The following PDGFC variants were observed in gnomAD, a reference collection of about 807,000 sequenced individuals.
PDGFC encodes the protein platelet derived growth factor C, also known as platelet-derived growth factor C.
Under a neutral mutation model 35.5 loss-of-function variants are expected in PDGFC, and 12 were observed. The ratio of observed to expected loss-of-function variants is 0.34; its 90% confidence interval spans 0.22 to 0.55. The LOEUF is 0.55. Ranked by LOEUF, PDGFC falls within the 20% of genes least tolerant of loss-of-function variation. PDGFC has a pLI of 0.91. For synonymous variants in PDGFC, 159 were observed against 148.8 expected (o/e 1.07, Z -0.50); for missense variants, 322 against 412.4 (o/e 0.78, Z 1.90).
intron 1 of PDGFC, among the ~76,000 whole-genome samples, chr4:156,931,980 C>A (rs1393106184): frequency 6.6e-6 from 1 of 151,984 alleles, no homozygotes; most frequent in African/African-American, 2.4e-5. Context: ...CTAACCCTGA[C>A]ATTTATAGTA....
chr4:156,955,191 C>T (rs904310986), intron 1 of PDGFC, among the ~76,000 whole-genome samples: 1 of 151,806 alleles, frequency 6.6e-6, no homozygotes, highest in Non-Finnish European at 1.5e-5. Flanking sequence ...ATGATGGTTC[C>T]CTTCCATTCC....
intron 2 of PDGFC, among the ~76,000 whole-genome samples, chr4:156,833,776 T>A (rs1356536925): frequency 6.6e-6 from 1 of 152,182 alleles, no homozygotes; most frequent in Non-Finnish European, 1.5e-5. Flanking sequence ...AATTTTTATA[T>A]CCTCTTTCAG....
chr4:156,895,408 G>C (rs1730608122), intron 1 of PDGFC, among the ~76,000 whole-genome samples: 1 of 152,116 alleles, frequency 6.6e-6, no homozygotes, highest in Non-Finnish European at 1.5e-5. Flanking sequence ...GCTGAGGTGG[G>C]CAAATCACTA....
chr4:156,941,225 G>A (rs1731797973), intron 1 of PDGFC, among the ~76,000 whole-genome samples: 1 of 152,134 alleles, frequency 6.6e-6, no homozygotes, highest in Admixed American at 6.6e-5. Flanking sequence ...GATCTGTGAG[G>A]TAAGTGAAAC....
intron 1 of PDGFC, among the ~76,000 whole-genome samples, chr4:156,896,394 C>T (rs1730634260): frequency 6.6e-6 from 1 of 152,114 alleles, no homozygotes; most frequent in Admixed American, 6.5e-5. Flanking sequence ...GGTATCTTGA[C>T]TTTACAGCTG....
chr4:156,898,465 T>C (rs1049085692), intron 1 of PDGFC, among the ~76,000 whole-genome samples: 3 of 152,192 alleles, frequency 2.0e-5, no homozygotes, highest in Admixed American at 6.5e-5. Flanking sequence ...GAGTTTGGTA[T>C]GGACAAGCCT....
At chr4:156,917,060 G>T (rs1731169900) in intron 1 of PDGFC, among the ~76,000 whole-genome samples, 1 of 152,046 alleles carries the variant, frequency 6.6e-6, no homozygotes, top group Admixed American at 6.6e-5. Context: ...TCCTCAATGT[G>T]CAACAGATAG....
chr4:156,850,636 C>G (rs1469869682), intron 1 of PDGFC, among the ~76,000 whole-genome samples: 1 of 152,016 alleles, frequency 6.6e-6, no homozygotes, highest in Non-Finnish European at 1.5e-5. Context: ...AGGAACATAG[C>G]AAATTACTCT....
At chr4:156,828,890 T>C (rs532224560) in intron 2 of PDGFC, among the ~76,000 whole-genome samples, 3 of 152,124 alleles carry the variant, frequency 2.0e-5, no homozygotes, top group Non-Finnish European at 2.9e-5. Flanking sequence ...TTAGCTAAAG[T>C]GGGTATACAC....
chr4:156,943,805 G>A (rs943869568), intron 1 of PDGFC, among the ~76,000 whole-genome samples: 3 of 152,108 alleles, frequency 2.0e-5, no homozygotes, highest in Non-Finnish European at 4.4e-5. Context: ...AAGTGGTGAA[G>A]TCAAGATCAT....
chr4:156,969,301 T>C (rs1732535294), intron 1 of PDGFC, among the ~76,000 whole-genome samples: 1 of 152,230 alleles, frequency 6.6e-6, no homozygotes, highest in African/African-American at 2.4e-5. Context: ...GTGGCTCCTT[T>C]GATCACTTTC....
At chr4:156,788,319 C>A (rs1160267566) in intron 3 of PDGFC, among the ~76,000 whole-genome samples, 3 of 152,182 alleles carry the variant, frequency 2.0e-5, no homozygotes, top group Middle Eastern at 3.4e-3. Flanking sequence ...CGAAAAGCTA[C>A]CAAGATCAAC....
At chr4:156,908,814 C>A (rs2110796516) in intron 1 of PDGFC, among the ~76,000 whole-genome samples, 1 of 152,072 alleles carries the variant, frequency 6.6e-6, no homozygotes, top group East Asian at 1.9e-4. Flanking sequence ...ATTCATAATA[C>A]CCAAAAAGTT....
rs1002127194 is a variant in PDGFC at position 156,885,711 on chromosome 4, C to T, written c.119-35295G>A. Among the ~76,000 whole-genome samples, 8 of 151,918 alleles carry T rather than the reference C, an allele frequency of 5.3e-5. No individual in the cohort carries two copies. The East Asian group carries it at 1.2e-3, about 22-fold the overall frequency. On this transcript the variant is annotated intron_variant, in intron 1 of 5. Transcript: ENST00000502773. ...CTCAAGGCCAGCCTGGGCAACACAG[C>T]GAGACTCCACCTCTACAAAAATCAC...
chr4:156,912,918 T>C (rs1229938624), intron 1 of PDGFC, among the ~76,000 whole-genome samples: 3 of 152,110 alleles, frequency 2.0e-5, no homozygotes, highest in African/African-American at 7.2e-5. Flanking sequence ...AAGAGGTATC[T>C]TTCCCTTCAT....
chr4:156,821,249 G>T (rs1732250255), intron 2 of PDGFC, among the ~76,000 whole-genome samples: 1 of 151,426 alleles, frequency 6.6e-6, no homozygotes, highest in African/African-American at 2.4e-5. Flanking sequence ...AATTTTTTTT[G>T]AAACCGTCTC....
chr4:156,916,193 G>A (rs1041596675), intron 1 of PDGFC, among the ~76,000 whole-genome samples: 2 of 152,078 alleles, frequency 1.3e-5, no homozygotes, highest in South Asian at 2.1e-4. Flanking sequence ...AAGGCACAGA[G>A]ACAATCAGAG....
intron 1 of PDGFC, among the ~76,000 whole-genome samples, chr4:156,894,793 A>C (rs1314789553): frequency 6.6e-6 from 1 of 152,154 alleles, no homozygotes; most frequent in African/African-American, 2.4e-5. Context: ...AAAACCAAAA[A>C]AAAGGCTCAG....
At chr4:156,811,560 A>T (rs1209347361) in intron 2 of PDGFC, among the ~76,000 whole-genome samples, 1 of 151,996 alleles carries the variant, frequency 6.6e-6, no homozygotes, top group East Asian at 1.9e-4. Flanking sequence ...GCTCACTGTC[A>T]TCTTTCTCGT....
Sources: allele counts gnomAD v4.1 joint callset (sites outside exome capture counted in the v4.1 genomes callset), GRCh38; gene constraint gnomAD v4.1.1; transcripts MANE v1.5; gene names NCBI Gene and HGNC (gene_info 2026-07-23, HGNC 2026-07-21).